The following SUGCT variants were observed in gnomAD, a reference collection of about 807,000 sequenced individuals.
SUGCT encodes succinyl-CoA:glutarate-CoA transferase.
In SUGCT, 41 loss-of-function variants were observed where a neutral mutation model predicts 55.0. The observed-to-expected ratio is 0.74, with a 90% CI of 0.58 to 0.97. SUGCT has a LOEUF of 0.97. Ranked by LOEUF, SUGCT falls within the 50% of genes least tolerant of loss-of-function variation. The pLI, the probability that SUGCT is intolerant of heterozygous loss-of-function variation, is 0.00. For synonymous variants in SUGCT, 187 were observed against 200.4 expected (o/e 0.93, Z 0.56); for missense variants, 568 against 547.8 (o/e 1.04, Z -0.37).
chr7:40,634,738 A>G (rs796950900), intron 12 of SUGCT, among the ~76,000 whole-genome samples: 5 of 152,348 alleles, frequency 3.3e-5, no homozygotes, highest in African/African-American at 9.6e-5. Flanking sequence ...AGACATTATC[A>G]TGCATTGCTC....
intron 7 of SUGCT, among the ~76,000 whole-genome samples, chr7:40,257,418 G>A (rs1433589357): frequency 6.6e-6 from 1 of 151,930 alleles, no homozygotes; most frequent in Non-Finnish European, 1.5e-5. Context: ...GTAATACTGA[G>A]TTGGTTTATA....
At chr7:40,160,046 T>C (rs1158537054) in intron 1 of SUGCT, among the ~76,000 whole-genome samples, 1 of 152,200 alleles carries the variant, frequency 6.6e-6, no homozygotes, top group African/African-American at 2.4e-5. Context: ...GCATGAATTT[T>C]TTCCATCTCT....
Position 40,236,476 on chromosome 7 carries a change from C to T in SUGCT, c.485-1159C>T, listed in dbSNP as rs778542894. Among the ~76,000 whole-genome samples, 95 of 127,906 alleles carry T rather than the reference C, an allele frequency of 7.4e-4. 1 individual carries two copies. Among genetic ancestry groups the T allele is most frequent in the Admixed American group, 1.9e-3 (23 of 12,370 alleles). The allele number at this position is 127,906 out of a possible 152,430, so 83.9% of individuals were successfully genotyped here. A position where few individuals can be genotyped will look rare whatever the true frequency, so the allele number is the denominator to read the frequency against. On this transcript the variant is annotated intron_variant, in intron 6 of 13. Coordinates refer to ENST00000335693, the MANE Select transcript of SUGCT (RefSeq NM_001193313.2). ...AAAAAAAAATTTGACACCTTCTCTACCTTCTCTTTGTAATCTTAAAAATCA... is the reference window on the plus strand; with the variant it reads ...AAAAAAAAATTTGACACCTTCTCTATCTTCTCTTTGTAATCTTAAAAATCA...
rs570095181 is a variant in SUGCT, at chr7:40,228,980, C to T, written c.485-8655C>T. Among the ~76,000 whole-genome samples the T allele has an allele frequency of 4.6e-5, 7 of 152,282 alleles. No homozygotes were observed. In the South Asian group the frequency reaches 1.2e-3, roughly 27 times the overall value. On this transcript the variant is annotated intron_variant, in intron 6 of 13. Coordinates refer to ENST00000335693, the MANE Select transcript of SUGCT (RefSeq NM_001193313.2). ...AAAGGCCTTTCCGGGTTGGCTTCTG[C>T]GTCTTTTTGACATGACCAATAATTT...
intron 13 of SUGCT, among the ~76,000 whole-genome samples, chr7:40,853,456 CCGGG>C (rs1312402760): frequency 6.6e-6 from 1 of 152,120 alleles, no homozygotes; most frequent in Admixed American, 6.5e-5. Context: ...CCTCCGCCTC[CCGGG>C]CTCAAGAAAT....
intron 9 of SUGCT, among the ~76,000 whole-genome samples, chr7:40,397,432 G>A (rs779959269): frequency 1.3e-5 from 2 of 151,998 alleles, no homozygotes; most frequent in Non-Finnish European, 1.5e-5. Flanking sequence ...AGCTTATTTT[G>A]CCTTATGTTT....
intron 12 of SUGCT, among the ~76,000 whole-genome samples, chr7:40,647,976 G>A (rs1200307027): frequency 6.6e-6 from 1 of 152,100 alleles, no homozygotes; most frequent in Non-Finnish European, 1.5e-5. Flanking sequence ...CTTGAACATT[G>A]ATTCAATCCC....
At chr7:40,271,572 T>C (rs146373073) in intron 7 of SUGCT, among the ~76,000 whole-genome samples, 3 of 152,258 alleles carry the variant, frequency 2.0e-5, no homozygotes, top group Admixed American at 6.5e-5. Context: ...ACATAATAGG[T>C]GTACATGTTT....
intron 9 of SUGCT, among the ~76,000 whole-genome samples, chr7:40,368,715 T>C (rs10236169): frequency 0.24 from 36,381 of 152,096 alleles, 5,668 homozygotes; most frequent in Non-Finnish European, 0.36. Flanking sequence ...GGAAGTCCAT[T>C]TTCCTATAAT....
chr7:40,237,076 G>A (rs1010676783), intron 6 of SUGCT, among the ~76,000 whole-genome samples: 11 of 151,450 alleles, frequency 7.3e-5, no homozygotes, highest in Admixed American at 2.6e-4. Flanking sequence ...CAAGTGATCC[G>A]CCCACCTCAG....
chr7:40,948,460 G>C, the SUGCT span, among the ~76,000 whole-genome samples: 1 of 151,654 alleles, frequency 6.6e-6, no homozygotes. Flanking sequence ...TGATGATGAT[G>C]ATGATGATGA....
intron 12 of SUGCT, among the ~76,000 whole-genome samples, chr7:40,598,641 A>G (rs1798144481): frequency 6.6e-6 from 1 of 152,224 alleles, no homozygotes; most frequent in Non-Finnish European, 1.5e-5. Context: ...GTTTGATGGG[A>G]CATCAACATC....
chr7:40,958,854 T>G, the SUGCT span, among the ~76,000 whole-genome samples: 1 of 152,176 alleles, frequency 6.6e-6, no homozygotes, highest in African/African-American at 2.4e-5. Context: ...TTTTGAGTGG[T>G]CATCCTTTTT....
intron 13 of SUGCT, among the ~76,000 whole-genome samples, chr7:40,788,322 G>C (rs548090425): frequency 6.6e-6 from 1 of 152,238 alleles, no homozygotes; most frequent in East Asian, 1.9e-4. Flanking sequence ...AAAATGTCCA[G>C]GAATACAATT....
intron 13 of SUGCT, among the ~76,000 whole-genome samples, chr7:40,814,089 G>T (rs1482122861): frequency 1.3e-5 from 2 of 152,122 alleles, no homozygotes; most frequent in African/African-American, 2.4e-5. Flanking sequence ...TCCACTGTTA[G>T]CCTGATGGGG....
At chr7:40,241,473 G>A (rs1789386924) in intron 7 of SUGCT, among the ~76,000 whole-genome samples, 1 of 151,458 alleles carries the variant, frequency 6.6e-6, no homozygotes, top group East Asian at 1.9e-4. Flanking sequence ...CAGCCACCCG[G>A]AAGGCTGAAG....
At chr7:40,706,350 T>C (rs1420675541) in intron 12 of SUGCT, among the ~76,000 whole-genome samples, 3 of 152,028 alleles carry the variant, frequency 2.0e-5, no homozygotes, top group Non-Finnish European at 4.4e-5. Flanking sequence ...CTACTAAAAA[T>C]ACAAAAATTA....
intron 12 of SUGCT, among the ~76,000 whole-genome samples, chr7:40,648,086 A>G (rs1179562845): frequency 6.6e-6 from 1 of 152,238 alleles, no homozygotes; most frequent in Admixed American, 6.5e-5. Flanking sequence ...AAAGTCTAGA[A>G]AAGCGTTTTA....
chr7:40,489,060 C>T (rs140294722), intron 11 of SUGCT, among the ~76,000 whole-genome samples: 55 of 152,074 alleles, frequency 3.6e-4, no homozygotes, highest in Middle Eastern at 6.8e-3. Context: ...TGGTTGTACC[C>T]CTTTACCTTT....
Sources: allele counts gnomAD v4.1 joint callset (sites outside exome capture counted in the v4.1 genomes callset), GRCh38; gene constraint gnomAD v4.1.1; transcripts MANE v1.5; gene names NCBI Gene and HGNC (gene_info 2026-07-23, HGNC 2026-07-21).